The following UPF3A variants were observed in gnomAD, a reference collection of about 807,000 sequenced individuals.
UPF3A encodes the protein regulator of nonsense transcripts 3A.
In UPF3A, 42 loss-of-function variants were observed where a neutral mutation model predicts 53.5. The ratio of observed to expected loss-of-function variants is 0.78; its 90% CI spans 0.61 to 1.01. The LOEUF is 1.01. Ranked by LOEUF, UPF3A falls within the 50% of genes least tolerant of loss-of-function variation. The pLI is 0.00. For synonymous variants in UPF3A, 237 were observed against 225.3 expected (o/e 1.05, Z -0.47); for missense variants, 575 against 598.0 (o/e 0.96, Z 0.40).
In UPF3A at chr13:114,302,034, T is replaced by G; in HGVS notation, c.1302+9T>G. ...AGCGACTGGCAAACAAGGTTTTTAT[T>G]AAACCCAAAAAGAAAAATGTGTCTG... On this transcript the variant is annotated intron_variant, in intron 9 of 9. Coordinates refer to ENST00000375299, the MANE Select transcript of UPF3A (RefSeq NM_023011.4). The G allele has an allele frequency of 1.3e-6, 2 of 1,507,138 alleles. No individual in the cohort carries two copies. Among genetic ancestry groups the G allele is most frequent in the Non-Finnish European group, 1.8e-6 (2 of 1,127,972 alleles). 93.4% of individuals were successfully genotyped at this position (1,507,138 alleles called of 1,614,324 possible). A position where few individuals can be genotyped will look rare whatever the true frequency, so the allele number is the denominator to read the frequency against.
chr13:114,292,163 C>G (rs1325931665), intron 7 of UPF3A, among the ~76,000 whole-genome samples: 1 of 150,496 alleles, frequency 6.6e-6, no homozygotes, highest in Non-Finnish European at 1.5e-5. Context: ...AGGTGTGTTA[C>G]ATGTTCATTG....
At chr13:114,293,506 T>G (rs1472936120) in intron 7 of UPF3A, among the ~76,000 whole-genome samples, 2 of 152,190 alleles carry the variant, frequency 1.3e-5, no homozygotes, top group Non-Finnish European at 1.5e-5. Flanking sequence ...ACTAATGAGT[T>G]TCTGTATTTC....
rs566311865 is a variant in UPF3A, at chr13:114,295,073, C to T, written c.846+3281C>T. On this transcript the variant is annotated intron_variant, in intron 7 of 9. Transcript: ENST00000375299. ...CTTGCAGTGAGCCAAGATTGCGCCA[C>T]TGCACTCCAGCCTGGGCGACAGAGC... 1.5e-4 allele frequency among the ~76,000 whole-genome samples: 23 copies of T among 148,814 alleles called. No homozygotes were observed. The East Asian group carries it at 2.2e-3, about 14-fold the overall frequency.
chr13:114,304,033 C>T (rs1403508915), intron 9 of UPF3A, among the ~76,000 whole-genome samples: 1 of 152,232 alleles, frequency 6.6e-6, no homozygotes, highest in East Asian at 1.9e-4. Flanking sequence ...CCTTGCAGCC[C>T]ACACTTGGGC....
intron 7 of UPF3A, among the ~76,000 whole-genome samples, chr13:114,295,498 C>T (rs1458393144): frequency 1.3e-5 from 2 of 152,134 alleles, no homozygotes; most frequent in African/African-American, 4.8e-5. Context: ...TTTCCCTCCA[C>T]AGGGACTTCC....
At chr13:114,283,839 G>A (rs1411622433) in intron 3 of UPF3A, 4 of 985,292 alleles carry the variant, frequency 4.1e-6, no homozygotes, top group East Asian at 1.1e-4. Flanking sequence ...TTCACAGCAA[G>A]TTGTTTTCTG....
intron 7 of UPF3A, among the ~76,000 whole-genome samples, chr13:114,294,843 T>G (rs748188608): frequency 7.4e-6 from 1 of 134,364 alleles, no homozygotes; most frequent in East Asian, 2.3e-4. Flanking sequence ...TGGACCGCGG[T>G]GGCTCACACC....
rs1036163298 is a variant in UPF3A at position 114,299,127 on chromosome 13, C to T, written c.1007+127C>T. The T allele has an allele frequency of 3.2e-5, 30 of 942,134 alleles. 1 individual carries two copies. The highest frequency in any genetic ancestry group is 4.1e-5 in the Non-Finnish European group (28 of 685,604). The allele number at this position is 942,134 out of a possible 1,614,324, so 58.4% of individuals were successfully genotyped here. ...AGACTTTCCAGGGTGTGCGAGTACA[C>T]GTTAGCCTTCATTTCCCATCAGCAT... On this transcript the variant is annotated intron_variant, in intron 8 of 9. Coordinates refer to ENST00000375299, the MANE Select transcript of UPF3A (RefSeq NM_023011.4).
intron 5 of UPF3A, among the ~76,000 whole-genome samples, chr13:114,290,881 G>A (rs970113024): frequency 1.3e-5 from 2 of 151,876 alleles, no homozygotes; most frequent in Admixed American, 6.6e-5. Flanking sequence ...TTATAGGCGC[G>A]TGCCATCACG....
intron 4 of UPF3A, 57 bp from the exon 5 acceptor site, chr13:114,286,462 A>G: frequency 6.2e-7 from 1 of 1,611,596 alleles, no homozygotes; most frequent in Non-Finnish European, 8.5e-7. Context: ...AGCAAATGTA[A>G]TTCTCCCGTA....
chr13:114,291,376 A>G (rs955107499), intron 5 of UPF3A, 113 bp from the exon 6 acceptor site: 12 of 1,065,710 alleles, frequency 1.1e-5, no homozygotes, highest in Non-Finnish European at 1.3e-5. Context: ...GTGTAAATTT[A>G]AAAAGTAATG....
In UPF3A at chr13:114,305,369, C is replaced by G. The variant is rs554137493; in HGVS notation, c.*452C>G. 17 of 243,240 alleles carry G rather than the reference C, an allele frequency of 7.0e-5. No homozygotes were observed. Among genetic ancestry groups the G allele is most frequent in the Admixed American group, 2.1e-4 (4 of 19,230 alleles). The allele number at this position is 243,240 out of a possible 1,614,324, so 15.1% of individuals were successfully genotyped here. On this transcript the variant is annotated 3_prime_UTR_variant, in exon 10 of 10. Transcript: ENST00000375299. ...CCATGGTGTCGAGTGAAGAGTAGTT[C>G]TTGTTTGTTACAACCTTTGTGAGTC...
intron 5 of UPF3A, among the ~76,000 whole-genome samples, chr13:114,288,999 T>G (rs1395853969): frequency 6.6e-6 from 1 of 152,152 alleles, no homozygotes; most frequent in African/African-American, 2.4e-5. Flanking sequence ...AGGGCTGTTT[T>G]GAGACATACC....
At chr13:114,302,172 TC>T in intron 9 of UPF3A, 147 bp downstream of exon 9, 1 of 663,542 alleles carries the variant, frequency 1.5e-6, no homozygotes, top group African/African-American at 1.8e-5. Context: ...GAAAGTCAGA[TC>T]CCAGAGTGAG....
Position 114,285,576 on chromosome 13 carries a change from G to C in UPF3A, c.422-726G>C, listed in dbSNP as rs757014489. The stretch of plus-strand genomic sequence containing the variant: ...AAAAAAAAATGACTCAGTGGGTTTA[G>C]TACCAAGGTAGCAGTGTTCCATTTG... On this transcript the variant is annotated intron_variant, in intron 3 of 9. Coordinates refer to ENST00000375299, the MANE Select transcript of UPF3A (RefSeq NM_023011.4). 33 of 152,252 alleles carry C rather than the reference G, an allele frequency of 2.2e-4. 1 individual carries two copies. Among genetic ancestry groups the C allele is most frequent in the Non-Finnish European group, 2.9e-5 (2 of 68,058 alleles). 9.4% of individuals were successfully genotyped at this position (152,252 alleles called of 1,614,324 possible).
intron 7 of UPF3A, 95 bp from the exon 8 acceptor site, chr13:114,298,745 C>A: frequency 8.1e-7 from 1 of 1,236,458 alleles, no homozygotes; most frequent in Non-Finnish European, 1.1e-6. Context: ...AAACATTTGG[C>A]TTCAATATTG....
At chr13:114,289,095 A>G (rs764992616) in intron 5 of UPF3A, among the ~76,000 whole-genome samples, 12 of 152,088 alleles carry the variant, frequency 7.9e-5, no homozygotes, top group African/African-American at 1.4e-4. Context: ...TGCACAGCCA[A>G]TGCTTCACAA....
At chr13:114,299,327 CTTTTTGT>C (rs1162985336) in intron 8 of UPF3A, among the ~76,000 whole-genome samples, 2 of 152,114 alleles carry the variant, frequency 1.3e-5, no homozygotes, top group African/African-American at 4.8e-5. Flanking sequence ...CCCAGTCTTT[CTTTTTGT>C]TTTTTGTTTT....
chr13:114,289,437 TCG>T (rs1372039947), intron 5 of UPF3A, among the ~76,000 whole-genome samples: 1 of 148,740 alleles, frequency 6.7e-6, no homozygotes, highest in Admixed American at 6.8e-5. Flanking sequence ...GGCAGGAGAA[TCG>T]CTTGAACTCG....
Sources: gnomAD v4.1 joint callset for allele counts (sites outside exome capture counted in the v4.1 genomes callset) on GRCh38, gnomAD v4.1.1 for gene constraint, MANE v1.5 for transcripts, NCBI Gene and HGNC (gene_info 2026-07-23, HGNC 2026-07-21) for gene names.